The following MGAT4C variants were observed in gnomAD, a reference collection of about 807,000 sequenced individuals.
MGAT4C encodes alpha-1,3-mannosyl-glycoprotein 4-beta-N-acetylglucosaminyltransferase C.
A neutral mutation model predicts 40.1 loss-of-function variants in MGAT4C; 19 were observed. The ratio of observed to expected loss-of-function variants is 0.47; its 90% CI spans 0.33 to 0.70. The LOEUF is 0.70. MGAT4C is among the 30% of genes least tolerant of loss of function. The pLI is 0.02. For missense variants in MGAT4C, 491 were observed against 563.2 expected (o/e 0.87, Z 1.30); for synonymous variants, 181 against 187.1 (o/e 0.97, Z 0.27).
chr12:86,196,014 G>A (rs1002356046), intron 1 of MGAT4C, among the ~76,000 whole-genome samples: 24 of 152,292 alleles, frequency 1.6e-4, no homozygotes, highest in East Asian at 3.9e-4. Flanking sequence ...ATGTATGTGT[G>A]TTAGTCTGCC....
chr12:86,078,865 G>A (rs1284146035), intron 1 of MGAT4C, among the ~76,000 whole-genome samples: 1 of 152,210 alleles, frequency 6.6e-6, no homozygotes, highest in Non-Finnish European at 1.5e-5. Flanking sequence ...CCATTGAGGA[G>A]CACTCTCATG....
intron 1 of MGAT4C, among the ~76,000 whole-genome samples, chr12:86,191,789 G>GTGTGTGTGTGT (rs1889527677): frequency 3.8e-5 from 1 of 26,240 alleles, no homozygotes; most frequent in Non-Finnish European, 7.4e-5. Flanking sequence ...TGTGTGTGTG[G>GTGTGTGTGTGT]TGTTTTCAGG....
At chr12:86,788,306 T>G (rs1262849229) in intron 1 of MGAT4C, among the ~76,000 whole-genome samples, 1 of 151,370 alleles carries the variant, frequency 6.6e-6, no homozygotes, top group East Asian at 1.9e-4. Context: ...AGGTTTTTTT[T>G]TTTTTTGGTA....
chr12:86,308,562 C>T lies in MGAT4C; in HGVS notation c.-57+25503G>A, dbSNP rs141283946. ...ATTTATTTGATTGTTTGTTGTTTCACGAAAAGCTTGATTGGTTGCTTGGTC... is the reference window on the plus strand; with the variant it reads ...ATTTATTTGATTGTTTGTTGTTTCATGAAAAGCTTGATTGGTTGCTTGGTC... On this transcript the variant is annotated intron_variant, in intron 4 of 7. Transcript: ENST00000548651. Among the ~76,000 whole-genome samples the T allele has an allele frequency of 1.3e-5, 2 of 150,592 alleles. 1 individual carries two copies. The highest frequency in any genetic ancestry group is 5.0e-5 in the African/African-American group (2 of 40,102).
At chr12:86,480,071 C>A (rs1957906830) in intron 2 of MGAT4C, among the ~76,000 whole-genome samples, 1 of 151,600 alleles carries the variant, frequency 6.6e-6, no homozygotes, top group South Asian at 2.1e-4. Context: ...AATTTAAAAT[C>A]TATGCTTCTA....
chr12:86,325,438 T>C (rs2136166902), intron 4 of MGAT4C, among the ~76,000 whole-genome samples: 1 of 152,330 alleles, frequency 6.6e-6, no homozygotes, highest in Middle Eastern at 3.4e-3. Context: ...CAATATAATA[T>C]TGGCACATTT....
intron 1 of MGAT4C, among the ~76,000 whole-genome samples, chr12:86,089,908 A>G (rs1044341245): frequency 6.6e-6 from 1 of 151,656 alleles, no homozygotes; most frequent in Non-Finnish European, 1.5e-5. Flanking sequence ...ATTTGTTCCC[A>G]TATTTTAAAA....
At chr12:86,338,414 C>A (rs1473378853) in intron 3 of MGAT4C, among the ~76,000 whole-genome samples, 2 of 152,148 alleles carry the variant, frequency 1.3e-5, no homozygotes, top group African/African-American at 4.8e-5. Context: ...AATCTTCTAG[C>A]TGCGTGACTC....
Position 85,962,432 on chromosome 12 carries a change from T to A in MGAT4C, c.*16857A>T, listed in dbSNP as rs1233453400. On this transcript the variant is annotated 3_prime_UTR_variant, in exon 5 of 5. Coordinates refer to ENST00000611864, the MANE Select transcript of MGAT4C (RefSeq NM_001351288.2). ...TATATAATTATATAATTATATAAAATTTTATAATTAATTATAAAATAAAAT... is the reference window on the plus strand; with the variant it reads ...TATATAATTATATAATTATATAAAAATTTATAATTAATTATAAAATAAAAT... 4.7e-5 allele frequency: 7 copies of A among 147,942 alleles called. No homozygotes were observed. Among genetic ancestry groups the A allele is most frequent in the Non-Finnish European group, 1.0e-4 (7 of 66,974 alleles). The allele number at this position is 147,942 out of a possible 1,614,324, so 9.2% of individuals were successfully genotyped here.
intron 3 of MGAT4C, among the ~76,000 whole-genome samples, chr12:85,985,197 C>A (rs1885074208): frequency 6.6e-6 from 1 of 152,150 alleles, no homozygotes; most frequent in African/African-American, 2.4e-5. Context: ...TTGCTGTGGT[C>A]ATTAAAAGGT....
At chr12:86,615,923 G>A (rs187795666) in intron 2 of MGAT4C, among the ~76,000 whole-genome samples, 14 of 152,116 alleles carry the variant, frequency 9.2e-5, no homozygotes, top group Admixed American at 6.5e-4. Context: ...AGAGACTCTT[G>A]CAAAACTGGA....
At chr12:86,371,642 G>A (rs946116380) in intron 3 of MGAT4C, among the ~76,000 whole-genome samples, 2 of 151,962 alleles carry the variant, frequency 1.3e-5, no homozygotes. Flanking sequence ...CTAGGACCCT[G>A]ACTTAGAGCA....
chr12:86,003,193 G>A (rs1390437281), intron 2 of MGAT4C, among the ~76,000 whole-genome samples: 2 of 152,082 alleles, frequency 1.3e-5, no homozygotes, highest in Non-Finnish European at 2.9e-5. Flanking sequence ...TAATTCAAAT[G>A]CTTTTCAAAT....
At chr12:86,093,731 A>AAACAAC (rs35399411) in intron 1 of MGAT4C, among the ~76,000 whole-genome samples, 6,562 of 149,470 alleles carry the variant, frequency 0.044, 167 homozygotes, top group Middle Eastern at 0.11. Flanking sequence ...CTCCGTCTAA[A>AAACAAC]AACAACAACA....
chr12:86,511,913 A>C (rs1261008109), intron 2 of MGAT4C, among the ~76,000 whole-genome samples: 1 of 152,172 alleles, frequency 6.6e-6, no homozygotes, highest in African/African-American at 2.4e-5. Context: ...TCAAACTAAA[A>C]ATCTTTTGCA....
chr12:85,998,788 T>C (rs1886944950), intron 2 of MGAT4C, among the ~76,000 whole-genome samples: 1 of 152,126 alleles, frequency 6.6e-6, no homozygotes, highest in African/African-American at 2.4e-5. Flanking sequence ...CTCTAGGAAG[T>C]TCCAAAATTT....
At chr12:86,651,292 A>C (rs1406424445) in intron 2 of MGAT4C, among the ~76,000 whole-genome samples, 2 of 151,978 alleles carry the variant, frequency 1.3e-5, no homozygotes, top group East Asian at 3.9e-4. Context: ...AGTAATTATA[A>C]ATCTATTTAT....
At chr12:86,486,042 T>C (rs1386571152) in intron 2 of MGAT4C, among the ~76,000 whole-genome samples, 1 of 152,106 alleles carries the variant, frequency 6.6e-6, no homozygotes, top group Non-Finnish European at 1.5e-5. Context: ...GAATCCATTA[T>C]CGCTAGACAA....
chr12:86,632,269 A>G (rs1250023135), intron 2 of MGAT4C, among the ~76,000 whole-genome samples: 2 of 152,296 alleles, frequency 1.3e-5, no homozygotes, highest in East Asian at 3.9e-4. Flanking sequence ...GGTGCTGGAT[A>G]GGATGTAGAG....
Sources: gnomAD v4.1 joint callset for allele counts (sites outside exome capture counted in the v4.1 genomes callset) on GRCh38, gnomAD v4.1.1 for gene constraint, MANE v1.5 for transcripts, NCBI Gene and HGNC (gene_info 2026-07-23, HGNC 2026-07-21) for gene names.